The following EPHB1 variants were observed in gnomAD, a reference collection of about 807,000 sequenced individuals.
The protein encoded by EPHB1 is EPH receptor B1.
A neutral mutation model predicts 94.4 loss-of-function variants in EPHB1; 30 were observed. The ratio of observed to expected loss-of-function variants is 0.32; its 90% CI spans 0.24 to 0.43. The LOEUF (loss-of-function observed/expected upper bound fraction) is 0.43. EPHB1 is among the 20% of genes least tolerant of loss of function. The pLI, the probability that EPHB1 is intolerant of heterozygous loss-of-function variation, is 1.00. For missense variants in EPHB1, 1,055 were observed against 1,308.3 expected, an observed-to-expected ratio of 0.81 and a Z score of 2.99; for synonymous variants, 522 against 489.1, an observed-to-expected ratio of 1.07 and a Z score of -0.89.
intron 1 of EPHB1, among the ~76,000 whole-genome samples, chr3:134,834,324 C>T (rs62272429): frequency 0.12 from 18,071 of 152,168 alleles, 1,213 homozygotes; most frequent in South Asian, 0.31. Flanking sequence ...GGAGATCAAA[C>T]GCACATGTGA....
chr3:135,001,110 C>G (rs1358717794), intron 3 of EPHB1, among the ~76,000 whole-genome samples: 1 of 152,158 alleles, frequency 6.6e-6, no homozygotes, highest in African/African-American at 2.4e-5. Context: ...GAGTGCTGAT[C>G]CTCCTTGGGG....
intron 3 of EPHB1, among the ~76,000 whole-genome samples, chr3:135,072,316 G>A (rs1369514457): frequency 6.6e-6 from 1 of 152,086 alleles, no homozygotes; most frequent in Non-Finnish European, 1.5e-5. Context: ...CCTAGGAGGG[G>A]GAGGCTGCAG....
chr3:134,891,417 A>G (rs1435742692), intron 1 of EPHB1, among the ~76,000 whole-genome samples: 1 of 152,082 alleles, frequency 6.6e-6, no homozygotes, highest in Non-Finnish European at 1.5e-5. Context: ...GCCTATTCCT[A>G]ATTTTTCCAG....
intron 12 of EPHB1, among the ~76,000 whole-genome samples, chr3:135,224,120 C>G (rs1001505387): frequency 3.9e-5 from 6 of 152,168 alleles, no homozygotes; most frequent in Non-Finnish European, 5.9e-5. Context: ...CCATGCTATA[C>G]AGGTTTGTAG....
intron 1 of EPHB1, among the ~76,000 whole-genome samples, chr3:134,840,796 C>G (rs1160261553): frequency 6.6e-6 from 1 of 152,198 alleles, no homozygotes; most frequent in Non-Finnish European, 1.5e-5. Flanking sequence ...CTGACTGGCC[C>G]TCAGCCTCTC....
chr3:134,920,348 T>C (rs955067077), intron 1 of EPHB1, among the ~76,000 whole-genome samples: 2 of 152,208 alleles, frequency 1.3e-5, no homozygotes, highest in Non-Finnish European at 2.9e-5. Flanking sequence ...GCTGCTTGCA[T>C]TTACGTAATA....
At position 134,810,276 on chromosome 3, in the gene EPHB1, AGTGT is replaced by A. The variant is rs35841212; in HGVS notation, c.58+14618_58+14621del. On this transcript the variant is annotated intron_variant, in intron 1 of 15. Transcript: ENST00000398015. ...CTTGAAGCGTGGGTAGCACAGGAGGAGTGTGTGTGTGTGTGTGTGTGTGTGTGTG... is the reference window on the plus strand; with the variant it reads ...CTTGAAGCGTGGGTAGCACAGGAGGAGTGTGTGTGTGTGTGTGTGTGTGTG... Among the ~76,000 whole-genome samples the A allele has an allele frequency of 3.8e-3, 558 of 145,882 alleles. 3 individuals carry two copies. The highest frequency in any genetic ancestry group is 0.013 in the African/African-American group (528 of 39,362).
intron 1 of EPHB1, among the ~76,000 whole-genome samples, chr3:134,906,708 G>T (rs1272219369): frequency 6.6e-6 from 1 of 152,250 alleles, no homozygotes; most frequent in Non-Finnish European, 1.5e-5. Flanking sequence ...AGCCGCCAGA[G>T]CAGACCATCA....
Position 135,248,414 on chromosome 3 carries a change from G to C in EPHB1, c.2595G>C (p.Arg865=), listed in dbSNP as rs369946044. The change falls in exon 14 of 16, where the codon CGG becomes CGC. Residue 865 remains arginine, a synonymous_variant. Coordinates refer to ENST00000398015, the MANE Select transcript of EPHB1 (RefSeq NM_004441.5). ...QLMLDCWQKD[R]NSRPRFAEIV... ...TGCTGGACTGTTGGCAGAAGGACCG[G>C]AACAGCCGGCCCCGGTTTGCGGAGA... is the stretch of plus-strand genomic sequence containing the variant. 2.9e-5 allele frequency: 47 copies of C among 1,613,776 alleles called. No homozygotes were observed. Among genetic ancestry groups the C allele is most frequent in the Non-Finnish European group, 3.6e-5 (43 of 1,179,882 alleles).
At chr3:135,030,137 C>T (rs965291832) in intron 3 of EPHB1, among the ~76,000 whole-genome samples, 1 of 151,620 alleles carries the variant, frequency 6.6e-6, no homozygotes, top group Admixed American at 6.6e-5. Context: ...AAATTTTTTT[C>T]AAAGTTTTCA....
At chr3:135,153,094 G>T (rs982362492) in intron 5 of EPHB1, among the ~76,000 whole-genome samples, 3 of 152,226 alleles carry the variant, frequency 2.0e-5, no homozygotes, top group Admixed American at 1.3e-4. Flanking sequence ...GGAGAAAGCA[G>T]CAGCCACCTT....
intron 1 of EPHB1, among the ~76,000 whole-genome samples, chr3:134,857,966 C>T (rs980511315): frequency 2.0e-5 from 3 of 152,120 alleles, no homozygotes; most frequent in East Asian, 1.9e-4. Context: ...AGTCAACCCC[C>T]CTGTTACCAC....
chr3:135,243,521 C>T (rs1364400569), intron 13 of EPHB1, among the ~76,000 whole-genome samples: 2 of 152,164 alleles, frequency 1.3e-5, no homozygotes, highest in African/African-American at 4.8e-5. Flanking sequence ...AGCCCCTAAG[C>T]ATTGTCTCAA....
intron 10 of EPHB1, among the ~76,000 whole-genome samples, chr3:135,188,092 G>A (rs1402715426): frequency 1.3e-5 from 2 of 151,916 alleles, no homozygotes; most frequent in Non-Finnish European, 2.9e-5. Flanking sequence ...CCAGCTACTT[G>A]GGAGGCTGAG....
intron 1 of EPHB1, among the ~76,000 whole-genome samples, chr3:134,843,650 A>T (rs1482599688): frequency 3.3e-5 from 5 of 151,504 alleles, no homozygotes; most frequent in African/African-American, 9.7e-5. Flanking sequence ...TTTCTCTTCA[A>T]TCTTGAATTT....
rs1424213544 is a variant in EPHB1 at position 135,076,260 on chromosome 3, T to TATATAA, written c.806-30187_806-30186insTATAAA. Among the ~76,000 whole-genome samples the TATATAA allele has an allele frequency of 1.8e-3, 187 of 104,360 alleles. 8 individuals carry two copies. The highest frequency in any genetic ancestry group is 5.9e-3 in the African/African-American group (164 of 27,660). 68.5% of individuals were successfully genotyped at this position (104,360 alleles called of 152,430 possible). On this transcript the variant is annotated intron_variant, in intron 3 of 15. Transcript: ENST00000398015. Reference sequence around the variant, plus strand: ...ATATATATATATATATATATATATATAACTCTTAAATGCATTAGTAAAAAG... The same window carrying TATATAA: ...ATATATATATATATATATATATATATATATAAAACTCTTAAATGCATTAGTAAAAAG...
At position 134,868,461 on chromosome 3, in the gene EPHB1, A is replaced by C. The variant is rs566350477; in HGVS notation, c.59-57355A>C. ...AATACAGAGGATCTTATGTTCTTCC[A>C]AGAAGGAAAATTGATTTGGAAGGTA... On this transcript the variant is annotated intron_variant, in intron 1 of 15. Coordinates refer to ENST00000398015, the MANE Select transcript of EPHB1 (RefSeq NM_004441.5). 2.0e-5 allele frequency among the ~76,000 whole-genome samples: 3 copies of C among 152,304 alleles called. No homozygotes were observed. In the East Asian group the frequency reaches 5.8e-4, roughly 29 times the overall value.
chr3:134,956,757 A>G (rs1446671500), intron 3 of EPHB1, among the ~76,000 whole-genome samples: 1 of 152,170 alleles, frequency 6.6e-6, no homozygotes, highest in Non-Finnish European at 1.5e-5. Context: ...AAGCCATGCC[A>G]TGCTACATAT....
At chr3:135,196,819 C>T (rs147893972) in intron 11 of EPHB1, among the ~76,000 whole-genome samples, 2 of 152,120 alleles carry the variant, frequency 1.3e-5, no homozygotes, top group African/African-American at 4.8e-5. Flanking sequence ...ATGCTTCAAC[C>T]ACACATTCAG....
Sources: gnomAD v4.1 joint callset for allele counts (sites outside exome capture counted in the v4.1 genomes callset) on GRCh38, gnomAD v4.1.1 for gene constraint, MANE v1.5 for transcripts, NCBI Gene and HGNC (gene_info 2026-07-23, HGNC 2026-07-21) for gene names.